PHF21A: variants seen among roughly 807,000 people sequenced by gnomAD.
PHF21A encodes the protein PHD finger protein 21A, also known as BHC80a.
In PHF21A, 11 loss-of-function variants were observed where a neutral mutation model predicts 82.5. The ratio of observed to expected loss-of-function variants is 0.13; its 90% CI spans 0.08 to 0.22. The LOEUF is 0.22. Ranked by LOEUF, PHF21A falls within the 10% of genes least tolerant of loss-of-function variation. The probability of loss-of-function intolerance (pLI) is 1.00; values close to 1 mark genes in which losing one functional copy is unlikely to be tolerated. For missense variants in PHF21A, 579 were observed against 837.8 expected, an observed-to-expected ratio of 0.69 and a Z score of 3.81; for synonymous variants, 297 against 302.8, an observed-to-expected ratio of 0.98 and a Z score of 0.20.
chr11:46,105,762 G>C (rs10838564), intron 1 of PHF21A, among the ~76,000 whole-genome samples: 113,735 of 152,094 alleles, frequency 0.75, 45,130 homozygotes, highest in Non-Finnish European at 0.9. Flanking sequence ...AAAGCACTAG[G>C]CCTCTTTGAA....
chr11:45,978,819 G>T (rs1320403092), intron 7 of PHF21A, among the ~76,000 whole-genome samples: 1 of 151,962 alleles, frequency 6.6e-6, no homozygotes, highest in African/African-American at 2.4e-5. Flanking sequence ...TTCTTAAATT[G>T]TATGCTTGTT....
chr11:46,030,622 C>A (rs546214756), intron 6 of PHF21A, among the ~76,000 whole-genome samples: 26 of 152,180 alleles, frequency 1.7e-4, no homozygotes, highest in Non-Finnish European at 3.2e-4. Flanking sequence ...CAAAAAGATT[C>A]TTTAATCCTA....
rs576747946 is a variant in PHF21A, at chr11:45,990,995, A to G, written c.154-11029T>C. ...CAGCCACCATTATACTATCACACAG[A>G]GTAGTTTCACTGTCCTGAAATTCCT... On this transcript the variant is annotated intron_variant, in intron 6 of 18. Coordinates refer to ENST00000676320, the MANE Select transcript of PHF21A (RefSeq NM_001352027.3). 1.9e-4 allele frequency among the ~76,000 whole-genome samples: 29 copies of G among 152,338 alleles called. No individual in the cohort carries two copies. The South Asian group carries it at 4.8e-3, about 25-fold the overall frequency.
At chr11:45,960,512 G>A (rs908290476) in intron 10 of PHF21A, among the ~76,000 whole-genome samples, 4 of 152,172 alleles carry the variant, frequency 2.6e-5, no homozygotes, top group African/African-American at 9.7e-5. Context: ...ACAGAAAGCA[G>A]ACTGGTGATT....
intron 6 of PHF21A, among the ~76,000 whole-genome samples, chr11:46,046,550 T>G (rs1476632466): frequency 6.6e-6 from 1 of 152,234 alleles, no homozygotes; most frequent in Non-Finnish European, 1.5e-5. Context: ...GCTTTTTTAA[T>G]GGTTATTAGA....
chr11:46,007,916 C>T (rs1176623272), intron 6 of PHF21A, among the ~76,000 whole-genome samples: 2 of 152,042 alleles, frequency 1.3e-5, no homozygotes, highest in African/African-American at 2.4e-5. Context: ...CACAATAATC[C>T]GTGTTGTTAT....
At chr11:46,041,032 T>C (rs970402679) in intron 6 of PHF21A, among the ~76,000 whole-genome samples, 2 of 151,948 alleles carry the variant, frequency 1.3e-5, no homozygotes, top group Non-Finnish European at 2.9e-5. Context: ...GCCTCTACAG[T>C]AAATAGGTCG....
Position 45,930,343 on chromosome 11 carries a change from G to C in PHF21A, c.*3625C>G, listed in dbSNP as rs1041532297. 3.3e-5 allele frequency: 5 copies of C among 152,400 alleles called. No homozygotes were observed. The highest frequency in any genetic ancestry group is 2.1e-4 in the South Asian group (1 of 4,836). The allele number at this position is 152,400 out of a possible 1,614,324, so 9.4% of individuals were successfully genotyped here. On this transcript the variant is annotated 3_prime_UTR_variant, in exon 19 of 19. Coordinates refer to ENST00000676320, the MANE Select transcript of PHF21A (RefSeq NM_001352027.3). ...TTGGGCCTGAGCCAAGCAGCAGCAG[G>C]GACAGAGAGGCAGGTGTTGCAGGGA...
chr11:45,966,026 ACTC>A (rs894816529), intron 9 of PHF21A, among the ~76,000 whole-genome samples: 55 of 151,428 alleles, frequency 3.6e-4, no homozygotes, highest in East Asian at 3.9e-4. Context: ...GTTCTTGGCC[ACTC>A]CTCCTCTCAG....
chr11:45,961,912 G>A (rs2093107942), intron 10 of PHF21A, among the ~76,000 whole-genome samples: 1 of 152,272 alleles, frequency 6.6e-6, no homozygotes, highest in African/African-American at 2.4e-5. Context: ...TGTTTTCTCA[G>A]AGCCACAGTG....
chr11:45,980,078 C>T (rs921539772), intron 6 of PHF21A, 112 bp from the exon 7 acceptor site: 3 of 1,468,714 alleles, frequency 2.0e-6, no homozygotes, highest in African/African-American at 1.4e-5. Flanking sequence ...AAACTTATTA[C>T]ATCTAAATTT....
intron 11 of PHF21A, 56 bp from the exon 12 acceptor site, chr11:45,950,313 A>T: frequency 6.7e-7 from 1 of 1,496,704 alleles, no homozygotes; most frequent in Non-Finnish European, 9.3e-7. Context: ...CACAAAGCCA[A>T]TTGCCAGTTC....
At chr11:46,058,233 C>G (rs1028583731) in intron 6 of PHF21A, among the ~76,000 whole-genome samples, 19 of 152,326 alleles carry the variant, frequency 1.2e-4, no homozygotes, top group Admixed American at 7.2e-4. Context: ...ATTATAACCT[C>G]ACAACTTCCA....
intron 10 of PHF21A, among the ~76,000 whole-genome samples, chr11:45,964,200 A>AAATAATAAT (rs58644528): frequency 0.19 from 25,680 of 134,372 alleles, 3,158 homozygotes; most frequent in East Asian, 0.45. Context: ...CTCCATCTCA[A>AAATAATAAT]AATAATAATA....
rs1468393801 is a variant in PHF21A, at chr11:46,104,403, A to AG, written c.-236-12181dup. ...TTGGTGCTGGTCTCACCAGCTGTTG[A>AG]GAAAAAAAAAGAAAAGCTTATATCA... On this transcript the variant is annotated intron_variant, in intron 1 of 18. Coordinates refer to ENST00000676320, the MANE Select transcript of PHF21A (RefSeq NM_001352027.3). Among the ~76,000 whole-genome samples, 3 of 152,288 alleles carry AG rather than the reference A, an allele frequency of 2.0e-5. No homozygotes were observed. The East Asian group carries it at 5.8e-4, about 29-fold the overall frequency.
chr11:45,948,096 C>CTA (rs200756167), intron 14 of PHF21A, among the ~76,000 whole-genome samples: 3,927 of 152,286 alleles, frequency 0.026, 48 homozygotes, highest in Middle Eastern at 0.051. Context: ...TAGCCTGCAA[C>CTA]TATAATTCAG....
chr11:46,083,696 T>C (rs1463839066), intron 4 of PHF21A: 1 of 152,320 alleles, frequency 6.6e-6, no homozygotes, highest in Non-Finnish European at 1.5e-5. Context: ...TTGTAAAATA[T>C]AAGAATTGTG....
At position 45,938,255 on chromosome 11, in the gene PHF21A, A is replaced by C; in HGVS notation, c.1510T>G (p.Cys504Gly). ...TGATATACACGGGAACATGTGTCGC[A>C]CATCAGTAACTGGCCACTTTTTCTG... The part of the protein sequence containing the change: ...VCRKSGQLLM[C>G]DTCSRVYHLD... Residue 504 changes from cysteine to glycine, a missense_variant, in exon 16 of 19, where the codon TGC becomes GGC. Physicochemically the swap from Cys to Gly is radical, Grantham distance 159. Transcript: ENST00000676320. 1 of 1,611,856 alleles carries C rather than the reference A, an allele frequency of 6.2e-7. No individual in the cohort carries two copies. Among genetic ancestry groups the C allele is most frequent in the Non-Finnish European group, 8.5e-7 (1 of 1,178,942 alleles).
chr11:46,000,536 G>A (rs2095085013), intron 6 of PHF21A, among the ~76,000 whole-genome samples: 1 of 152,162 alleles, frequency 6.6e-6, no homozygotes, highest in African/African-American at 2.4e-5. Context: ...CTTTTGAAAA[G>A]TTGTAAAGAC....
Sources: allele counts gnomAD v4.1 joint callset (sites outside exome capture counted in the v4.1 genomes callset), GRCh38; gene constraint gnomAD v4.1.1; transcripts MANE v1.5; gene names NCBI Gene and HGNC (gene_info 2026-07-23, HGNC 2026-07-21).